CENPI: variants seen among roughly 807,000 people sequenced by gnomAD.
CENPI encodes FSH primary response 1.
In CENPI, 4 loss-of-function variants were observed where a neutral mutation model predicts 60.4. The ratio of observed to expected loss-of-function variants is 0.07; its 90% confidence interval spans 0.03 to 0.15. CENPI has a LOEUF of 0.15. CENPI is among the 10% of genes least tolerant of loss of function. The pLI is 1.00. For synonymous variants in CENPI, 157 were observed against 189.4 expected (o/e 0.83, Z 1.40); for missense variants, 444 against 534.5 (o/e 0.83, Z 1.67).
intron 15 of CENPI, among the ~76,000 whole-genome samples, chrX:101,139,358 G>C (rs1353609737): frequency 1.8e-5 from 2 of 109,701 alleles, no homozygotes; most frequent in Non-Finnish European, 3.8e-5. Context: ...GCCTCCCAAA[G>C]TGCTGGGATT....
At chrX:101,135,347 T>C (rs973205642) in intron 15 of CENPI, among the ~76,000 whole-genome samples, 1 of 110,975 alleles carries the variant, frequency 9.0e-6, no homozygotes, top group African/African-American at 3.3e-5. Context: ...AGTTCTAAGG[T>C]CCTCAATGAA....
chrX:101,144,338 C>T (rs182462355), intron 16 of CENPI, among the ~76,000 whole-genome samples: 1 of 108,945 alleles, frequency 9.2e-6, no homozygotes, highest in East Asian at 2.9e-4. Flanking sequence ...CTGCCTTGGC[C>T]TCCCAAAGTG....
downstream of CENPI, among the ~76,000 whole-genome samples, chrX:101,168,834 G>A (rs767010690): frequency 5.4e-5 from 6 of 111,794 alleles, no homozygotes; most frequent in Non-Finnish European, 1.1e-4. Flanking sequence ...AGAGAGTATC[G>A]TTATCCAGAG....
At chrX:101,128,272 G>A (rs2089756872) in intron 11 of CENPI, among the ~76,000 whole-genome samples, 2 of 111,447 alleles carry the variant, frequency 1.8e-5, no homozygotes, top group Admixed American at 1.9e-4. Context: ...GGCGGAGGTT[G>A]CAGTGAGCCG....
intron 15 of CENPI, 86 bp downstream of exon 15, chrX:101,132,542 A>G (rs1372234495): frequency 3.7e-6 from 3 of 804,586 alleles, no homozygotes; most frequent in Admixed American, 2.8e-5. Context: ...TATTACAGCA[A>G]TGGTTTTATA....
rs765817106 is a variant in CENPI, at chrX:101,102,321, T to A, written c.274T>A (p.Leu92Met). 8.4e-7 allele frequency: 1 copy of A among 1,196,856 alleles called. No individual in the cohort carries two copies. The highest frequency in any genetic ancestry group is 1.8e-5 in the South Asian group (1 of 55,705). Residue 92 changes from leucine (L) to methionine (M), a missense_variant, in exon 4 of 22, where the codon TTG becomes ATG. By Grantham distance (15) the Leu-to-Met change is conservative. Transcript: ENST00000682095. ...QNKDKTLEKH[L>M]KTVENVAWKN... The stretch of plus-strand genomic sequence containing the variant: ...TAAAGATAAAACCTTGGAAAAACAC[T>A]TGAAAACTGTGGAAAATGTGGCTTG...
Position 101,149,802 on chromosome X carries a change from C to T in CENPI, c.2094+1641C>T, listed in dbSNP as rs552336595. Among the ~76,000 whole-genome samples, 9 of 110,743 alleles carry T rather than the reference C, an allele frequency of 8.1e-5. No individual in the cohort carries two copies. The South Asian group carries it at 2.3e-3, about 28-fold the overall frequency. On this transcript the variant is annotated intron_variant, in intron 20 of 21. Transcript: ENST00000682095. ...GATTATAGGCATGAGCCACCGCGCC[C>T]GGCCAGTGGTGCTTTTTCAAAGTGT...
intron 13 of CENPI, among the ~76,000 whole-genome samples, 197 bp from the exon 14 acceptor site, chrX:101,131,993 G>A (rs2089799960): frequency 1.8e-5 from 2 of 111,719 alleles, no homozygotes; most frequent in African/African-American, 3.2e-5. Flanking sequence ...GATAAAAATG[G>A]TAATGTATGC....
At chrX:101,137,927 G>A (rs758120274) in intron 15 of CENPI, among the ~76,000 whole-genome samples, 11 of 20,882 alleles carry the variant, frequency 5.3e-4, no homozygotes, top group Non-Finnish European at 1.9e-4. Flanking sequence ...TATTTATGTA[G>A]AAAAGGTTCA....
chrX:101,160,610 G>A (rs766255131), intron 20 of CENPI, among the ~76,000 whole-genome samples: 4 of 108,567 alleles, frequency 3.7e-5, no homozygotes, highest in East Asian at 2.9e-4. Flanking sequence ...GGCTGGTCTC[G>A]AACTTTTGAC....
At chrX:101,109,809 G>A in intron 5 of CENPI, 82 bp from the exon 6 acceptor site, 2 of 676,980 alleles carry the variant, frequency 3.0e-6, no homozygotes, top group Non-Finnish European at 4.6e-6. Context: ...AATAGCCCTG[G>A]TGGCGGGGGA....
At chrX:101,101,036 C>T (rs750665828) in intron 2 of CENPI, 22 bp from the exon 3 acceptor site, 3 of 765,964 alleles carry the variant, frequency 3.9e-6, no homozygotes, top group South Asian at 4.2e-5. Context: ...TTAATGATAA[C>T]TTAACACTTG....
At chrX:101,158,671 C>A (rs2090077327) in intron 20 of CENPI, among the ~76,000 whole-genome samples, 1 of 107,659 alleles carries the variant, frequency 9.3e-6, no homozygotes. Context: ...CGCTCTGGCA[C>A]CCATGCTGGA....
intron 15 of CENPI, among the ~76,000 whole-genome samples, chrX:101,134,810 G>A (rs2024743388): frequency 9.0e-6 from 1 of 111,228 alleles, no homozygotes; most frequent in African/African-American, 3.3e-5. Flanking sequence ...GATCACTTGA[G>A]ATCAGGAGTT....
intron 4 of CENPI, 98 bp from the exon 5 acceptor site, chrX:101,109,375 C>T: frequency 1.5e-6 from 1 of 685,708 alleles, no homozygotes; most frequent in South Asian, 2.5e-5. Flanking sequence ...GCTGCCGCGC[C>T]CAGCCTAATG....
At chrX:101,167,199 T>A (rs1226714629), downstream of CENPI, among the ~76,000 whole-genome samples, 1 of 112,738 alleles carries the variant, frequency 8.9e-6, no homozygotes, top group East Asian at 2.8e-4. Flanking sequence ...TAATTCTTAC[T>A]GAGATAATTT....
intron 20 of CENPI, among the ~76,000 whole-genome samples, chrX:101,160,375 C>CTTTTTTTTTTTTTT (rs763855508): frequency 3.7e-5 from 3 of 81,425 alleles, no homozygotes; most frequent in Non-Finnish European, 7.0e-5. Context: ...GCTTTTAGTT[C>CTTTTTTTTTTTTTT]TTTTTTTTTT....
intron 3 of CENPI, among the ~76,000 whole-genome samples, chrX:101,101,515 A>T (rs1158395296): frequency 9.0e-6 from 1 of 110,700 alleles, no homozygotes; most frequent in Non-Finnish European, 1.9e-5. Context: ...GCATATTGGG[A>T]TCACTTGAGA....
chrX:101,115,956 G>A (rs984586582), intron 6 of CENPI, among the ~76,000 whole-genome samples: 3 of 110,873 alleles, frequency 2.7e-5, no homozygotes, highest in African/African-American at 9.8e-5. Flanking sequence ...TGTCTTCAAG[G>A]TTCATCCATT....
Sources: gnomAD v4.1 joint callset for allele counts (sites outside exome capture counted in the v4.1 genomes callset) on GRCh38, gnomAD v4.1.1 for gene constraint, MANE v1.5 for transcripts, NCBI Gene and HGNC (gene_info 2026-07-23, HGNC 2026-07-21) for gene names.